TMTC1: variants seen among roughly 807,000 people sequenced by gnomAD.
TMTC1 encodes the protein transmembrane O-mannosyltransferase targeting cadherins 1.
In TMTC1, 73 loss-of-function variants were observed where a neutral mutation model predicts 104.8. The observed-to-expected ratio is 0.70, with a 90% confidence interval of 0.58 to 0.85. TMTC1 has a LOEUF of 0.85. Ranked by LOEUF, TMTC1 falls within the 40% of genes least tolerant of loss-of-function variation. The pLI is 0.00. For missense variants in TMTC1, 1,035 were observed against 1,096.1 expected (o/e 0.94, Z 0.79); for synonymous variants, 434 against 428.7 (o/e 1.01, Z -0.15).
intron 11 of TMTC1, among the ~76,000 whole-genome samples, chr12:29,529,485 T>C (rs1380542965): frequency 6.6e-6 from 1 of 152,248 alleles, no homozygotes; most frequent in African/African-American, 2.4e-5. Flanking sequence ...CAAATGGCTT[T>C]ATTAGTAAAT....
intron 5 of TMTC1, among the ~76,000 whole-genome samples, chr12:29,684,976 T>C (rs551608331): frequency 1.3e-5 from 2 of 152,344 alleles, no homozygotes; most frequent in East Asian, 3.9e-4. Context: ...TTTCCCTTTC[T>C]ATTTCAAACA....
At chr12:29,766,949 C>G (rs537017077) in intron 2 of TMTC1, among the ~76,000 whole-genome samples, 2 of 136,542 alleles carry the variant, frequency 1.5e-5, no homozygotes, top group African/African-American at 5.1e-5. Flanking sequence ...CCATAGCTAT[C>G]AATACTTTTT....
chr12:29,515,984 C>T (rs1179924144), intron 15 of TMTC1, among the ~76,000 whole-genome samples: 2 of 150,580 alleles, frequency 1.3e-5, no homozygotes, highest in Non-Finnish European at 3.0e-5. Flanking sequence ...TTTATGTAAT[C>T]CTCATAACAA....
chr12:29,583,260 T>A (rs371446225), intron 8 of TMTC1, 147 bp downstream of exon 8: 17 of 705,244 alleles, frequency 2.4e-5, no homozygotes, highest in East Asian at 1.5e-4. Flanking sequence ...AAACCCCACA[T>A]AAAATTACAT....
chr12:29,576,899 C>A (rs185985688), intron 8 of TMTC1, among the ~76,000 whole-genome samples: 13 of 152,058 alleles, frequency 8.5e-5, no homozygotes, highest in Admixed American at 3.3e-4. Context: ...ACGTTGTACA[C>A]CTTAATTTTA....
intron 13 of TMTC1, 108 bp from the exon 14 acceptor site, chr12:29,517,679 A>G: frequency 7.8e-7 from 1 of 1,280,898 alleles, no homozygotes; most frequent in Non-Finnish European, 1.1e-6. Context: ...CTCTGCTCCA[A>G]TACGGTCTTT....
At chr12:29,610,750 C>T (rs1946824496) in intron 6 of TMTC1, among the ~76,000 whole-genome samples, 1 of 152,164 alleles carries the variant, frequency 6.6e-6, no homozygotes, top group East Asian at 1.9e-4. Context: ...CAAATGTAGA[C>T]ACGGAAAGGT....
chr12:29,557,075 C>A, intron 9 of TMTC1, 75 bp from the exon 10 acceptor site: 1 of 1,529,254 alleles, frequency 6.5e-7, no homozygotes, highest in South Asian at 1.2e-5. Flanking sequence ...GTTCTTCTTC[C>A]CCCAAGTATG....
At chr12:29,726,678 C>T (rs1942400990) in intron 5 of TMTC1, among the ~76,000 whole-genome samples, 1 of 152,254 alleles carries the variant, frequency 6.6e-6, no homozygotes, top group Admixed American at 6.5e-5. Context: ...CATCCCTTAC[C>T]CTTTAACAAT....
intron 10 of TMTC1, among the ~76,000 whole-genome samples, chr12:29,538,954 G>T (rs1944719338): frequency 6.6e-6 from 1 of 152,182 alleles, no homozygotes; most frequent in Admixed American, 6.5e-5. Flanking sequence ...GCACCAACAG[G>T]TCAGGCTAAC....
chr12:29,762,145 C>A (rs1397189810), intron 2 of TMTC1, among the ~76,000 whole-genome samples: 1 of 152,028 alleles, frequency 6.6e-6, no homozygotes, highest in Non-Finnish European at 1.5e-5. Flanking sequence ...CATCACTGCG[C>A]CCCAGCCTGG....
intron 5 of TMTC1, among the ~76,000 whole-genome samples, chr12:29,724,940 G>T (rs574129127): frequency 6.6e-6 from 1 of 150,620 alleles, no homozygotes; most frequent in African/African-American, 2.4e-5. Context: ...AGCTAAAATG[G>T]CACGAAGTTC....
intron 5 of TMTC1, among the ~76,000 whole-genome samples, chr12:29,708,747 G>A (rs918359470): frequency 1.3e-5 from 2 of 152,140 alleles, no homozygotes; most frequent in Admixed American, 6.5e-5. Context: ...TATCAACCTA[G>A]AATGTACCGT....
chr12:29,629,964 GT>G (rs1938213326), intron 6 of TMTC1, among the ~76,000 whole-genome samples: 1 of 151,716 alleles, frequency 6.6e-6, no homozygotes, highest in African/African-American at 2.4e-5. Context: ...ATATTTAATC[GT>G]TTTTTATACT....
chr12:29,579,603 T>C (rs942753154), intron 8 of TMTC1, among the ~76,000 whole-genome samples: 12 of 152,210 alleles, frequency 7.9e-5, no homozygotes, highest in African/African-American at 1.9e-4. Context: ...AAAGGAAATA[T>C]GTTTGTCCCT....
chr12:29,514,221 C>T (rs1943920214), intron 16 of TMTC1, among the ~76,000 whole-genome samples: 1 of 151,920 alleles, frequency 6.6e-6, no homozygotes, highest in Non-Finnish European at 1.5e-5. Flanking sequence ...TAGTTTGAGG[C>T]CAAAATGTGG....
chr12:29,741,841 A>G (rs1286600203), intron 5 of TMTC1, among the ~76,000 whole-genome samples: 1 of 152,234 alleles, frequency 6.6e-6, no homozygotes, highest in Non-Finnish European at 1.5e-5. Context: ...ATTTCGACTT[A>G]TCTGAATGGT....
intron 10 of TMTC1, among the ~76,000 whole-genome samples, chr12:29,551,111 G>C (rs867752358): frequency 6.6e-6 from 1 of 152,144 alleles, no homozygotes. Context: ...GTGGGGGATA[G>C]AATTTCATGC....
intron 9 of TMTC1, among the ~76,000 whole-genome samples, chr12:29,565,419 C>T (rs780636397): frequency 7.2e-5 from 11 of 152,096 alleles, no homozygotes; most frequent in Non-Finnish European, 1.2e-4. Flanking sequence ...GCAAGTCTAC[C>T]CCTTGCCAAT....
Sources: gnomAD v4.1 joint callset for allele counts (sites outside exome capture counted in the v4.1 genomes callset) on GRCh38, gnomAD v4.1.1 for gene constraint, MANE v1.5 for transcripts, NCBI Gene and HGNC (gene_info 2026-07-23, HGNC 2026-07-21) for gene names.